The following SLC7A9 variants were observed in gnomAD, a reference collection of about 807,000 sequenced individuals.
SLC7A9 encodes the protein solute carrier family 7 member 9.
In SLC7A9, 38 loss-of-function variants were observed where a neutral mutation model predicts 54.1. The ratio of observed to expected loss-of-function variants is 0.70; its 90% CI spans 0.54 to 0.92. The LOEUF (loss-of-function observed/expected upper bound fraction) is 0.92. Among genes scored for constraint, SLC7A9 ranks in the 40% least tolerant of loss-of-function variants. SLC7A9 has a pLI of 0.00. For synonymous variants in SLC7A9, 264 were observed against 258.9 expected (o/e 1.02, Z -0.19); for missense variants, 537 against 636.1 (o/e 0.84, Z 1.68).
At chr19:32,831,235 T>C (rs1371311964) in intron 12 of SLC7A9, 1 of 159,524 alleles carries the variant, frequency 6.3e-6, no homozygotes, top group African/African-American at 2.4e-5. Flanking sequence ...TAGGGTTTCC[T>C]GCAGTTGAAT....
rs1968695315 is a variant in SLC7A9 at position 32,858,526 on chromosome 19, A to T, written c.891T>A (p.Val297=). ...QAVAVTFGDR[V]LYPASWIVPL... ...GAACGATCCAAGAAGCAGGATAGAG[A>T]ACACGGTCACCAAATGTCTGGTGAG... is the stretch of plus-strand genomic sequence containing the variant. Residue 297 remains valine (V), a synonymous_variant, in exon 9 of 13, where the codon GTT becomes GTA. Transcript: ENST00000023064. 6.2e-7 allele frequency: 1 copy of T among 1,612,724 alleles called. No homozygotes were observed. The highest frequency in any genetic ancestry group is 1.3e-5 in the African/African-American group (1 of 74,968).
chr19:32,844,857 C>CAAAAAAAA (rs386388892), intron 9 of SLC7A9, among the ~76,000 whole-genome samples: 311 of 30,316 alleles, frequency 0.01, 74 homozygotes, highest in Non-Finnish European at 0.016. Flanking sequence ...GAATCCATCT[C>CAAAAAAAA]AAAAAAAAAA....
chr19:32,869,092 G>A (rs1410373801), intron 1 of SLC7A9, among the ~76,000 whole-genome samples: 2 of 151,488 alleles, frequency 1.3e-5, no homozygotes, highest in African/African-American at 4.9e-5. Flanking sequence ...TGTGGTGGTG[G>A]GTGCCTGTTA....
At chr19:32,852,047 G>A (rs1190749974) in intron 9 of SLC7A9, among the ~76,000 whole-genome samples, 3 of 152,122 alleles carry the variant, frequency 2.0e-5, no homozygotes, top group Admixed American at 2.0e-4. Context: ...GGGAGGGATA[G>A]CATTAGGAGA....
intron 3 of SLC7A9, 136 bp from the exon 4 acceptor site, chr19:32,864,474 T>C (rs1473022163): frequency 6.6e-7 from 1 of 1,509,074 alleles, no homozygotes; most frequent in African/African-American, 1.4e-5. Flanking sequence ...GGCCCTGAGC[T>C]CCAGCGTTGG....
intron 1 of SLC7A9, among the ~76,000 whole-genome samples, chr19:32,869,053 CAAA>C (rs5827824): frequency 5.9e-4 from 64 of 108,668 alleles, no homozygotes; most frequent in African/African-American, 1.2e-3. Context: ...ACTAAAAATG[CAAA>C]AAAAAAAAAA....
chr19:32,846,881 C>G (rs1968314263), intron 9 of SLC7A9, among the ~76,000 whole-genome samples: 1 of 152,202 alleles, frequency 6.6e-6, no homozygotes, highest in South Asian at 2.1e-4. Context: ...TGTTCTACAG[C>G]CACTGCTGTT....
intron 9 of SLC7A9, among the ~76,000 whole-genome samples, chr19:32,851,063 T>C (rs1341877891): frequency 2.0e-5 from 3 of 152,116 alleles, no homozygotes; most frequent in Non-Finnish European, 4.4e-5. Context: ...CCTAAAACCA[T>C]AAAAACCCTA....
Position 32,866,808 on chromosome 19 carries a change from C to T in SLC7A9, c.87+1640G>A, listed in dbSNP as rs1206719549. 2.6e-5 allele frequency among the ~76,000 whole-genome samples: 4 copies of T among 152,178 alleles called. No individual in the cohort carries two copies. The East Asian group carries it at 7.7e-4, about 29-fold the overall frequency. On this transcript the variant is annotated intron_variant, in intron 2 of 12. Coordinates refer to ENST00000023064, the MANE Select transcript of SLC7A9 (RefSeq NM_014270.5). ...CTAAAGCCTTGGTGCCGTCCCTCCT[C>T]CATCCCCTCTGCTGCCAGGCATGGG...
intron 8 of SLC7A9, 27 bp from the exon 9 acceptor site, chr19:32,858,570 G>T: frequency 1.9e-6 from 3 of 1,574,546 alleles, no homozygotes; most frequent in South Asian, 1.1e-5. Flanking sequence ...GATGAGTCCT[G>T]AGGGTCTTTC....
chr19:32,858,272 C>A (rs1224813983), intron 9 of SLC7A9, among the ~76,000 whole-genome samples, 168 bp downstream of exon 9: 1 of 152,102 alleles, frequency 6.6e-6, no homozygotes, highest in Non-Finnish European at 1.5e-5. Context: ...GGCCAGTTTG[C>A]GGTGTGGGTT....
chr19:32,856,692 A>C (rs1968638478), intron 9 of SLC7A9, among the ~76,000 whole-genome samples: 1 of 152,030 alleles, frequency 6.6e-6, no homozygotes, highest in African/African-American at 2.4e-5. Flanking sequence ...TGCAGCCTGG[A>C]ACTTCTGGGC....
At chr19:32,858,163 TC>T (rs764988866) in intron 9 of SLC7A9, among the ~76,000 whole-genome samples, 32 of 152,142 alleles carry the variant, frequency 2.1e-4, no homozygotes, top group African/African-American at 7.0e-4. Flanking sequence ...ATGGGCAGCT[TC>T]CCCCCCATGT....
intron 9 of SLC7A9, among the ~76,000 whole-genome samples, chr19:32,855,502 A>G (rs1326247338): frequency 6.6e-6 from 1 of 152,136 alleles, no homozygotes. Context: ...GATCAAGACC[A>G]TCCTGGCAAA....
rs1307288209 is a variant in SLC7A9 at position 32,868,561 on chromosome 19, T to C, written c.-27A>G. ...TTTCCTCCTGCTGGTTCCAGGAGACTGCAAGGAGGGCGCACAGCTAAATCT... is the reference window on the plus strand; with the variant it reads ...TTTCCTCCTGCTGGTTCCAGGAGACCGCAAGGAGGGCGCACAGCTAAATCT... On this transcript the variant is annotated 5_prime_UTR_variant, in exon 2 of 13. Transcript: ENST00000023064. The C allele has an allele frequency of 2.5e-6, 4 of 1,580,316 alleles. No homozygotes were observed. Among genetic ancestry groups the C allele is most frequent in the Non-Finnish European group, 3.5e-6 (4 of 1,149,108 alleles).
intron 9 of SLC7A9, among the ~76,000 whole-genome samples, chr19:32,849,307 G>A (rs973202245): frequency 6.6e-6 from 1 of 152,016 alleles, no homozygotes; most frequent in African/African-American, 2.4e-5. Context: ...GAAGAAAAGA[G>A]ATAAGAATCA....
intron 10 of SLC7A9, 83 bp downstream of exon 10, chr19:32,843,772 C>G: frequency 1.0e-6 from 1 of 964,720 alleles, no homozygotes; most frequent in East Asian, 2.4e-5. Flanking sequence ...GCATCTGGGT[C>G]ATTTGGAAGC....
chr19:32,862,143 T>C lies in SLC7A9; in HGVS notation c.679A>G (p.Asn227Asp). 2 of 1,613,344 alleles carry C rather than the reference T, an allele frequency of 1.2e-6. No individual in the cohort carries two copies. Among genetic ancestry groups the C allele is most frequent in the East Asian group, 4.5e-5 (2 of 44,870 alleles). Residue 227 changes from asparagine (N) to aspartate (D), a missense_variant, in exon 6 of 13, where the codon AAT becomes GAT. Transcript: ENST00000023064. ...CATCCATCATAGGCCCAGAGTCCAT[T>C]GTAAAACGCCAGGCTGATGGCTCCC... ...SVGAISLAFY[N>D]GLWAYDGWNQ...
At chr19:32,865,000 CTG>C (rs1968925554) in intron 2 of SLC7A9, among the ~76,000 whole-genome samples, 1 of 152,214 alleles carries the variant, frequency 6.6e-6, no homozygotes, top group South Asian at 2.1e-4. Context: ...GCTGGCCACA[CTG>C]TGTCACCCCC....
Sources: allele counts gnomAD v4.1 joint callset (sites outside exome capture counted in the v4.1 genomes callset), GRCh38; gene constraint gnomAD v4.1.1; transcripts MANE v1.5; gene names NCBI Gene and HGNC (gene_info 2026-07-23, HGNC 2026-07-21).